The following CTNNA2 variants were observed in gnomAD, a reference collection of about 807,000 sequenced individuals.
CTNNA2 encodes catenin alpha-2.
CTNNA2 carries 42 observed loss-of-function variants against 101.0 expected under a neutral mutation model. The ratio of observed to expected loss-of-function variants is 0.42; its 90% CI spans 0.32 to 0.54. The LOEUF is 0.54. CTNNA2 is among the 20% of genes least tolerant of loss of function. The pLI, the probability that CTNNA2 is intolerant of heterozygous loss-of-function variation, is 0.14. For synonymous variants in CTNNA2, 450 were observed against 456.4 expected (o/e 0.99, Z 0.18); for missense variants, 871 against 1,223.1 (o/e 0.71, Z 4.29).
intron 7 of CTNNA2, among the ~76,000 whole-genome samples, chr2:80,336,424 A>C (rs56326934): frequency 0.076 from 11,533 of 152,170 alleles, 440 homozygotes; most frequent in Non-Finnish European, 0.089. Flanking sequence ...TTACAATTAC[A>C]ATTTTGCTAT....
intron 3 of CTNNA2, among the ~76,000 whole-genome samples, chr2:79,770,876 A>G (rs931707230): frequency 3.9e-5 from 6 of 152,226 alleles, no homozygotes; most frequent in Non-Finnish European, 2.9e-5. Flanking sequence ...AAGTGAAATC[A>G]ATTCTTAACT....
chr2:80,496,463 T>A (rs565041993), intron 9 of CTNNA2, among the ~76,000 whole-genome samples: 1 of 150,766 alleles, frequency 6.6e-6, no homozygotes, highest in East Asian at 2.0e-4. Flanking sequence ...TACCACATAA[T>A]GAGAGGAACG....
chr2:79,533,501 A>G (rs999687237), intron 1 of CTNNA2, among the ~76,000 whole-genome samples: 1 of 152,150 alleles, frequency 6.6e-6, no homozygotes, highest in African/African-American at 2.4e-5. Flanking sequence ...AGACTTAGAA[A>G]AAAACACACT....
intron 3 of CTNNA2, among the ~76,000 whole-genome samples, chr2:79,332,074 G>A (rs1226865804): frequency 6.6e-6 from 1 of 152,080 alleles, no homozygotes; most frequent in Non-Finnish European, 1.5e-5. Flanking sequence ...TTAACATTGC[G>A]AGATGGGGTT....
At chr2:80,148,863 G>A (rs1261883996) in intron 7 of CTNNA2, among the ~76,000 whole-genome samples, 1 of 152,048 alleles carries the variant, frequency 6.6e-6, no homozygotes. Flanking sequence ...TCAGGCTGCA[G>A]ATCATCTTCT....
intron 7 of CTNNA2, among the ~76,000 whole-genome samples, chr2:80,030,703 A>T (rs1033720994): frequency 9.2e-5 from 14 of 152,236 alleles, no homozygotes; most frequent in African/African-American, 3.4e-4. Flanking sequence ...AGTATCATAA[A>T]TTTAAGGTAG....
rs73938726 is a variant in CTNNA2 at position 79,562,181 on chromosome 2, A to T, written c.-6+48974A>T. ...ACATTCTTTTGTATGTGGATAGCCA[A>T]TTGTTTCAACACTATCTTCAAAGAT... On this transcript the variant is annotated intron_variant, in intron 1 of 18. Coordinates refer to ENST00000402739, the MANE Select transcript of CTNNA2 (RefSeq NM_001282597.3). Among the ~76,000 whole-genome samples, 19 of 152,160 alleles carry T rather than the reference A, an allele frequency of 1.2e-4. 1 individual carries two copies. The highest frequency in any genetic ancestry group is 6.2e-4 in the South Asian group (3 of 4,828).
chr2:80,560,095 G>T (rs1203355390), intron 12 of CTNNA2, among the ~76,000 whole-genome samples: 1 of 150,080 alleles, frequency 6.7e-6, no homozygotes, highest in Non-Finnish European at 1.5e-5. Context: ...TTTTAAAAAG[G>T]GTTCTATGTT....
intron 2 of CTNNA2, among the ~76,000 whole-genome samples, chr2:79,212,654 G>T (rs1288686207): frequency 6.6e-6 from 1 of 151,350 alleles, no homozygotes; most frequent in Admixed American, 6.6e-5. Flanking sequence ...AGGTGGGAAG[G>T]CCAAACCGAG....
intron 4 of CTNNA2, among the ~76,000 whole-genome samples, chr2:79,441,540 A>G (rs1421736647): frequency 3.3e-5 from 5 of 152,162 alleles, no homozygotes. Context: ...TCAAACCACC[A>G]GGAAGTCCCT....
At chr2:79,714,697 G>C (rs1685959678) in intron 2 of CTNNA2, among the ~76,000 whole-genome samples, 1 of 152,076 alleles carries the variant, frequency 6.6e-6, no homozygotes, top group African/African-American at 2.4e-5. Context: ...GTAAGGTGGA[G>C]AGAAAGCTTT....
At chr2:80,560,525 G>T (rs1043471775) in intron 12 of CTNNA2, among the ~76,000 whole-genome samples, 1 of 152,066 alleles carries the variant, frequency 6.6e-6, no homozygotes, top group African/African-American at 2.4e-5. Context: ...ACTGTTTCTG[G>T]CTTCCTGGTG....
intron 9 of CTNNA2, among the ~76,000 whole-genome samples, chr2:80,461,700 G>T (rs1572947869): frequency 1.3e-5 from 2 of 151,774 alleles, no homozygotes; most frequent in Admixed American, 1.3e-4. Flanking sequence ...AAAGTCTTTT[G>T]AACTAGATTA....
At chr2:80,430,303 A>C (rs1681374074) in intron 9 of CTNNA2, among the ~76,000 whole-genome samples, 1 of 152,204 alleles carries the variant, frequency 6.6e-6, no homozygotes, top group Non-Finnish European at 1.5e-5. Context: ...CTTGTTCCCT[A>C]TGCTAGATAC....
chr2:79,644,442 A>G (rs565046409), intron 1 of CTNNA2, among the ~76,000 whole-genome samples: 9 of 152,336 alleles, frequency 5.9e-5, no homozygotes, highest in African/African-American at 1.2e-4. Context: ...CCTTAATCAC[A>G]TCTGTAAAAT....
rs1057363291 is a variant in CTNNA2 at position 80,648,144 on chromosome 2, C to CAATATT, written c.*273_*278dup. The CAATATT allele has an allele frequency of 8.7e-5, 23 of 263,948 alleles. No individual in the cohort carries two copies. The highest frequency in any genetic ancestry group is 1.1e-3 in the Middle Eastern group (1 of 882). 16.4% of individuals were successfully genotyped at this position (263,948 alleles called of 1,614,324 possible). The stretch of plus-strand genomic sequence containing the variant: ...ATTGGGCACAGAGTTCGCATTGGCG[C>CAATATT]AATATTTATGGGAGTGGGAGGGATG... On this transcript the variant is annotated 3_prime_UTR_variant, in exon 19 of 19. Transcript: ENST00000402739.
chr2:79,346,282 G>A (rs1286262414), intron 3 of CTNNA2, among the ~76,000 whole-genome samples: 2 of 152,172 alleles, frequency 1.3e-5, no homozygotes, highest in Non-Finnish European at 2.9e-5. Flanking sequence ...TGAAGAGACA[G>A]ACTATTATTA....
At chr2:80,061,337 CTG>C (rs1292651997) in intron 7 of CTNNA2, among the ~76,000 whole-genome samples, 4 of 152,040 alleles carry the variant, frequency 2.6e-5, no homozygotes, top group African/African-American at 7.2e-5. Context: ...AAGGAAAAAA[CTG>C]TATCTTTTCA....
intron 7 of CTNNA2, among the ~76,000 whole-genome samples, chr2:80,099,314 T>C (rs907784020): frequency 2.0e-5 from 3 of 152,110 alleles, no homozygotes; most frequent in Admixed American, 1.3e-4. Context: ...AATGAGATCT[T>C]GGGTTGCATT....
Sources: gnomAD v4.1 joint callset for allele counts (sites outside exome capture counted in the v4.1 genomes callset) on GRCh38, gnomAD v4.1.1 for gene constraint, MANE v1.5 for transcripts, NCBI Gene and HGNC (gene_info 2026-07-23, HGNC 2026-07-21) for gene names.